PHKB: variants seen among roughly 807,000 people sequenced by gnomAD.
The protein encoded by PHKB is phosphorylase kinase regulatory subunit beta, also known as phosphorylase b kinase regulatory subunit beta.
PHKB carries 122 observed loss-of-function variants against 152.1 expected under a neutral mutation model. The observed-to-expected ratio is 0.80, with a 90% confidence interval of 0.69 to 0.93. PHKB has a LOEUF of 0.93. PHKB is among the 40% of genes least tolerant of loss of function. The probability of loss-of-function intolerance (pLI) is 0.00; values close to 1 mark genes in which losing one functional copy is unlikely to be tolerated. For synonymous variants in PHKB, 436 were observed against 464.9 expected, an observed-to-expected ratio of 0.94 and a Z score of 0.80; for missense variants, 1,304 against 1,328.4, an observed-to-expected ratio of 0.98 and a Z score of 0.29.
At chr16:47,587,900 C>T in intron 9 of PHKB, 137 bp downstream of exon 9, 1 of 724,454 alleles carries the variant, frequency 1.4e-6, no homozygotes, top group Non-Finnish European at 2.4e-6. Flanking sequence ...ATAGATATTG[C>T]CCCTTACTCC....
At chr16:47,632,408 C>T (rs532703550) in intron 14 of PHKB, among the ~76,000 whole-genome samples, 15 of 152,022 alleles carry the variant, frequency 9.9e-5, no homozygotes, top group South Asian at 2.1e-4. Context: ...AAAATGAGGA[C>T]GTGTTCTATG....
intron 3 of PHKB, 92 bp from the exon 4 acceptor site, chr16:47,502,899 T>C: frequency 2.5e-6 from 2 of 795,586 alleles, no homozygotes; most frequent in South Asian, 2.9e-5. Context: ...AACACAGGAT[T>C]AGCCAGATAG....
At chr16:47,587,475 A>T (rs1971953978) in intron 8 of PHKB, among the ~76,000 whole-genome samples, 193 bp from the exon 9 acceptor site, 1 of 152,214 alleles carries the variant, frequency 6.6e-6, no homozygotes, top group South Asian at 2.1e-4. Context: ...CATTTTTATG[A>T]TTATAAAATT....
At chr16:47,489,708 C>T (rs541802573) in intron 1 of PHKB, among the ~76,000 whole-genome samples, 3 of 152,262 alleles carry the variant, frequency 2.0e-5, no homozygotes, top group South Asian at 2.1e-4. Flanking sequence ...ACAAGAACTG[C>T]GTAGGCAATG....
rs145047641 is a variant in PHKB at position 47,461,358 on chromosome 16, G to C, written c.8G>C (p.Gly3Ala). The C allele has an allele frequency of 4.0e-5, 65 of 1,610,544 alleles. No homozygotes were observed. In the African/African-American group the frequency reaches 6.1e-4, roughly 15 times the overall value. The change falls in exon 1 of 31, where the codon GGG becomes GCG. Residue 3 changes from glycine (G) to alanine (A), a missense_variant. By Grantham distance (60) the Gly-to-Ala change is moderately conservative. Transcript: ENST00000323584. The part of the protein sequence containing the change: MA[G>A]AAGLTAEVSW... ...GGCGGCGACCGGAGCGCGATGGCGG[G>C]GGCGGCGGGACTCACGGCAGAAGTG... is the stretch of plus-strand genomic sequence containing the variant.
intron 26 of PHKB, among the ~76,000 whole-genome samples, chr16:47,684,027 T>C (rs1468835385): frequency 6.6e-6 from 1 of 152,166 alleles, no homozygotes; most frequent in African/African-American, 2.4e-5. Flanking sequence ...TATGGCTTTT[T>C]TTTTTTTTCC....
At chr16:47,639,581 A>G (rs1473703915) in intron 14 of PHKB, among the ~76,000 whole-genome samples, 2 of 152,216 alleles carry the variant, frequency 1.3e-5, no homozygotes, top group East Asian at 3.8e-4. Flanking sequence ...GTATGATTCA[A>G]CATGTATAGA....
At chr16:47,631,624 CG>C (rs202107301) in intron 14 of PHKB, among the ~76,000 whole-genome samples, 322 of 152,306 alleles carry the variant, frequency 2.1e-3, no homozygotes, top group East Asian at 0.013. Flanking sequence ...GCTGTCCCCC[CG>C]CTAGCCTCCC....
At chr16:47,472,798 T>A (rs1969795740) in intron 1 of PHKB, among the ~76,000 whole-genome samples, 1 of 148,628 alleles carries the variant, frequency 6.7e-6, no homozygotes, top group Admixed American at 6.7e-5. Flanking sequence ...AAAACAAAAA[T>A]TAGCCAGGTG....
chr16:47,640,204 T>C (rs536994457), intron 14 of PHKB, among the ~76,000 whole-genome samples: 2 of 152,316 alleles, frequency 1.3e-5, no homozygotes, highest in East Asian at 1.9e-4. Context: ...GAGGAACTGA[T>C]TGATGATAAA....
chr16:47,506,073 G>T (rs1455638849), intron 4 of PHKB, among the ~76,000 whole-genome samples: 2 of 147,938 alleles, frequency 1.4e-5, no homozygotes, highest in East Asian at 3.9e-4. Flanking sequence ...AAAATAATAA[G>T]CTGGGCATGA....
intron 20 of PHKB, among the ~76,000 whole-genome samples, chr16:47,655,551 T>TCAAG (rs1973320830): frequency 2.0e-5 from 3 of 152,164 alleles, no homozygotes; most frequent in East Asian, 1.9e-4. Flanking sequence ...GTGTGGTGAT[T>TCAAG]TTCTCTCAAG....
chr16:47,469,349 C>T (rs764773493), intron 1 of PHKB, among the ~76,000 whole-genome samples: 12 of 152,128 alleles, frequency 7.9e-5, no homozygotes, highest in Non-Finnish European at 1.6e-4. Flanking sequence ...TGGAATCAAC[C>T]TAGGTGCCCA....
chr16:47,576,116 C>A (rs1971745528), intron 7 of PHKB, among the ~76,000 whole-genome samples: 3 of 152,054 alleles, frequency 2.0e-5, no homozygotes, highest in East Asian at 1.9e-4. Flanking sequence ...GCAAAAAAAA[C>A]CCAGACTTCA....
At chr16:47,685,984 G>A (rs966051816) in intron 26 of PHKB, among the ~76,000 whole-genome samples, 15 of 151,964 alleles carry the variant, frequency 9.9e-5, no homozygotes, top group Non-Finnish European at 1.9e-4. Flanking sequence ...CTCATGATCC[G>A]CTGCCTCAGC....
At chr16:47,619,233 G>A (rs984545997) in intron 14 of PHKB, 14 of 152,228 alleles carry the variant, frequency 9.2e-5, no homozygotes, top group Admixed American at 2.6e-4. Flanking sequence ...ATGAAAGGAA[G>A]GAGGGAATGT....
chr16:47,526,252 T>C (rs1287892829), intron 6 of PHKB, among the ~76,000 whole-genome samples: 1 of 151,954 alleles, frequency 6.6e-6, no homozygotes, highest in Non-Finnish European at 1.5e-5. Context: ...CTACTAAAAA[T>C]GCAAAAATTA....
chr16:47,500,841 T>C (rs543683262), intron 3 of PHKB, among the ~76,000 whole-genome samples: 31 of 152,344 alleles, frequency 2.0e-4, no homozygotes, highest in Admixed American at 7.2e-4. Flanking sequence ...ATTAACTTTC[T>C]GAATATTAAT....
At chr16:47,627,918 T>A (rs1261806453) in intron 14 of PHKB, among the ~76,000 whole-genome samples, 2 of 152,176 alleles carry the variant, frequency 1.3e-5, no homozygotes, top group Non-Finnish European at 2.9e-5. Flanking sequence ...CAGTTGGAAT[T>A]GAGATGTATA....
Sources: gnomAD v4.1 joint callset for allele counts (sites outside exome capture counted in the v4.1 genomes callset) on GRCh38, gnomAD v4.1.1 for gene constraint, MANE v1.5 for transcripts, NCBI Gene and HGNC (gene_info 2026-07-23, HGNC 2026-07-21) for gene names.